The following SYN2 variants were observed in gnomAD, a reference collection of about 807,000 sequenced individuals.
SYN2 encodes the protein synapsin-2.
In SYN2, 19 loss-of-function variants were observed where a neutral mutation model predicts 50.9. That is an observed-to-expected ratio of 0.37 (90% CI 0.26 to 0.55). The LOEUF (loss-of-function observed/expected upper bound fraction) is 0.55. Among genes scored for constraint, SYN2 ranks in the 20% least tolerant of loss-of-function variants. The probability of loss-of-function intolerance (pLI) is 0.81; values close to 1 mark genes in which losing one functional copy is unlikely to be tolerated. For synonymous variants in SYN2, 255 were observed against 224.9 expected, an observed-to-expected ratio of 1.13 and a Z score of -1.20; for missense variants, 587 against 576.4, an observed-to-expected ratio of 1.02 and a Z score of -0.19.
chr3:12,052,291 A>G (rs768572303), intron 1 of SYN2, among the ~76,000 whole-genome samples: 6 of 151,132 alleles, frequency 4.0e-5, no homozygotes, highest in Non-Finnish European at 8.8e-5. Flanking sequence ...TGTTCTATTC[A>G]TTTCTTTTTT....
In SYN2 at chr3:12,155,063, G is replaced by A. The variant is rs111587888; in HGVS notation, c.774+3737G>A. 3.4e-4 allele frequency among the ~76,000 whole-genome samples: 7 copies of A among 20,750 alleles called. 1 individual carries two copies. Among genetic ancestry groups the A allele is most frequent in the African/African-American group, 9.2e-4 (7 of 7,586 alleles). 13.6% of individuals were successfully genotyped at this position (20,750 alleles called of 152,430 possible). ...AGATCGGGCGCGTTCAGGGTGGTATGGCCGTAGATTCCTTTTCACCTTTCA... is the reference window on the plus strand; with the variant it reads ...AGATCGGGCGCGTTCAGGGTGGTATAGCCGTAGATTCCTTTTCACCTTTCA... On this transcript the variant is annotated intron_variant, in intron 5 of 12. Transcript: ENST00000621198.
intron 1 of SYN2, among the ~76,000 whole-genome samples, chr3:12,122,459 A>T (rs545896366): frequency 9.9e-5 from 15 of 152,164 alleles, no homozygotes; most frequent in South Asian, 2.1e-4. Flanking sequence ...TGGGGCTTTG[A>T]TTGTAATACC....
At chr3:12,042,067 G>A (rs1445766767) in intron 1 of SYN2, among the ~76,000 whole-genome samples, 1 of 152,058 alleles carries the variant, frequency 6.6e-6, no homozygotes, top group African/African-American at 2.4e-5. Context: ...TCTATTTTTT[G>A]TATATTAGCG....
At chr3:12,108,321 C>G (rs1236891780) in intron 1 of SYN2, among the ~76,000 whole-genome samples, 1 of 152,152 alleles carries the variant, frequency 6.6e-6, no homozygotes, top group Non-Finnish European at 1.5e-5. Context: ...TGAAGAGTTG[C>G]CCAGTATAGT....
intron 1 of SYN2, among the ~76,000 whole-genome samples, chr3:12,007,465 A>T (rs1183383730): frequency 6.6e-6 from 1 of 152,228 alleles, no homozygotes; most frequent in Non-Finnish European, 1.5e-5. Context: ...TGAGTTAAGG[A>T]GCAGGTGCTT....
intron 1 of SYN2, among the ~76,000 whole-genome samples, chr3:12,122,126 G>A (rs1186341353): frequency 6.6e-6 from 1 of 152,166 alleles, no homozygotes; most frequent in Non-Finnish European, 1.5e-5. Context: ...GAACAACTGG[G>A]TACCATAGCC....
At chr3:12,070,461 G>A (rs521223) in intron 1 of SYN2, 445,200 of 588,946 alleles carry the variant, frequency 0.76, 169,253 homozygotes, top group Admixed American at 0.85. Context: ...GCGTGGCATC[G>A]TCATCAACTG....
At chr3:12,070,202 G>A (rs555587901) in intron 1 of SYN2, 25 of 381,724 alleles carry the variant, frequency 6.5e-5, no homozygotes, top group Non-Finnish European at 1.2e-4. Flanking sequence ...CTGCTCTGCC[G>A]CCCTGCTCCT....
intron 1 of SYN2, chr3:12,071,280 A>G: frequency 1.8e-6 from 1 of 560,874 alleles, no homozygotes; most frequent in South Asian, 1.5e-5. Context: ...TCCTGGCCTC[A>G]CTGTCCATCT....
At chr3:12,061,197 T>A (rs967744320) in intron 1 of SYN2, among the ~76,000 whole-genome samples, 1 of 152,012 alleles carries the variant, frequency 6.6e-6, no homozygotes, top group African/African-American at 2.4e-5. Flanking sequence ...AAAATAGAGT[T>A]TAAAACAGCA....
intron 1 of SYN2, among the ~76,000 whole-genome samples, chr3:12,131,361 G>A (rs1349605570): frequency 1.3e-5 from 2 of 152,204 alleles, no homozygotes; most frequent in East Asian, 1.9e-4. Context: ...GGTGTGATTC[G>A]TGACCGTACA....
intron 1 of SYN2, among the ~76,000 whole-genome samples, chr3:12,040,750 A>G (rs930409515): frequency 6.6e-6 from 1 of 152,200 alleles, no homozygotes; most frequent in African/African-American, 2.4e-5. Context: ...TTCAAAAAAG[A>G]GGATAAAAGA....
chr3:12,175,894 A>G (rs1196530148), intron 10 of SYN2, among the ~76,000 whole-genome samples: 1 of 152,240 alleles, frequency 6.6e-6, no homozygotes, highest in East Asian at 1.9e-4. Flanking sequence ...GGTGAGTGGT[A>G]AAGCCTGATC....
chr3:12,089,197 A>C (rs1006386163), intron 1 of SYN2, among the ~76,000 whole-genome samples: 1 of 152,180 alleles, frequency 6.6e-6, no homozygotes, highest in African/African-American at 2.4e-5. Context: ...AAGAGGTTTA[A>C]TGGACTTACA....
At chr3:12,102,697 T>C (rs1696103332) in intron 1 of SYN2, among the ~76,000 whole-genome samples, 2 of 152,172 alleles carry the variant, frequency 1.3e-5, no homozygotes, top group African/African-American at 2.4e-5. Context: ...ATTCCTTCAA[T>C]TTATTGTTTC....
intron 1 of SYN2, among the ~76,000 whole-genome samples, chr3:12,121,152 C>T (rs1437501558): frequency 3.9e-5 from 6 of 152,184 alleles, no homozygotes; most frequent in Non-Finnish European, 7.4e-5. Context: ...AGGATAGGCT[C>T]AGGCATCACT....
intron 4 of SYN2, among the ~76,000 whole-genome samples, chr3:12,146,536 T>C (rs1697153703): frequency 6.6e-6 from 1 of 152,308 alleles, no homozygotes; most frequent in African/African-American, 2.4e-5. Context: ...AAGGAAGATA[T>C]CATTATTGTC....
rs137873410 is a variant in SYN2, at chr3:12,141,077, A to G, written c.435+369A>G. Among the ~76,000 whole-genome samples, 504 of 152,226 alleles carry G rather than the reference A, an allele frequency of 3.3e-3. 2 individuals are homozygous for G. Among genetic ancestry groups the G allele is most frequent in the Non-Finnish European group, 5.2e-3 (355 of 68,014 alleles). On this transcript the variant is annotated intron_variant, in intron 2 of 12. Transcript: ENST00000621198. ...TGGCAAGATATTTCTCGGTAGGCAC[A>G]TGTCTGCCTTTCAGGTATGCTGCCC...
At chr3:12,050,711 C>CTTTTTTT (rs57099569) in intron 1 of SYN2, among the ~76,000 whole-genome samples, 728 of 50,546 alleles carry the variant, frequency 0.014, 257 homozygotes, top group East Asian at 0.031. Flanking sequence ...CTTCTCTTCT[C>CTTTTTTT]TTTTTTTTTT....
Sources: allele counts gnomAD v4.1 joint callset (sites outside exome capture counted in the v4.1 genomes callset), GRCh38; gene constraint gnomAD v4.1.1; transcripts MANE v1.5; gene names NCBI Gene and HGNC (gene_info 2026-07-23, HGNC 2026-07-21).